The following CCDC51 variants were observed in gnomAD, a reference collection of about 807,000 sequenced individuals.
CCDC51 encodes the protein coiled-coil domain containing 51.
In CCDC51, 25 loss-of-function variants were observed where a neutral mutation model predicts 24.8. That is an observed-to-expected ratio of 1.01 (90% confidence interval 0.73 to 1.41). CCDC51 has a LOEUF of 1.41. CCDC51 is among the 40% of genes most tolerant of loss of function. The pLI is 0.00. For missense variants in CCDC51, 466 were observed against 519.1 expected, an observed-to-expected ratio of 0.90 and a Z score of 0.99; for synonymous variants, 190 against 204.3, an observed-to-expected ratio of 0.93 and a Z score of 0.60.
chr3:48,440,688 A>C, upstream of CCDC51: 2 of 1,486,862 alleles, frequency 1.3e-6, no homozygotes, highest in Non-Finnish European at 9.2e-7. Context: ...TATTGGGATG[A>C]GGGCGCGGGC....
intron 1 of CCDC51, among the ~76,000 whole-genome samples, chr3:48,439,174 T>C (rs1321395942): frequency 6.6e-6 from 1 of 152,242 alleles, no homozygotes; most frequent in Non-Finnish European, 1.5e-5. Context: ...ATATATCACA[T>C]GACCTGCAAC....
At chr3:48,445,099 G>GGAGTTC (rs1309144134), upstream of CCDC51, 1 of 152,276 alleles carries the variant, frequency 6.6e-6, no homozygotes, top group African/African-American at 2.4e-5. Context: ...CTTGAGCCCA[G>GGAGTTC]GAGTTCGAGG....
Position 48,439,678 on chromosome 3 carries a change from C to A in CCDC51, c.-9+310G>T, listed in dbSNP as rs1340747257. On this transcript the variant is annotated intron_variant, in intron 1 of 3. Transcript: ENST00000395694. ...CTTTATTGATATATAACTTGCATAC[C>A]ATATAATTCACCCAATGTGTACAAT... Among the ~76,000 whole-genome samples, 3 of 152,116 alleles carry A rather than the reference C, an allele frequency of 2.0e-5. No homozygotes were observed. The East Asian group carries it at 5.8e-4, about 29-fold the overall frequency.
rs373033737 is a variant in CCDC51, at chr3:48,435,783, A to C, written c.-8-647T>G. Among the ~76,000 whole-genome samples, 3 of 152,078 alleles carry C rather than the reference A, an allele frequency of 2.0e-5. No individual in the cohort carries two copies. Among genetic ancestry groups the C allele is most frequent in the African/African-American group, 4.8e-5 (2 of 41,424 alleles). Reference sequence around the variant, plus strand: ...AAGATAATTCCAGGGGCAAAAAAAAACAAAACAAAACTGTTTTTGCCACAG... The same window carrying C: ...AAGATAATTCCAGGGGCAAAAAAAACCAAAACAAAACTGTTTTTGCCACAG... On this transcript the variant is annotated intron_variant, in intron 1 of 3. Coordinates refer to ENST00000395694, the MANE Select transcript of CCDC51 (RefSeq NM_001256964.2). This position sits in a 1 kb window ranked among gnomAD's most constrained non-coding sequence, Gnocchi z 4.2.
At chr3:48,446,588 G>T in the CCDC51 span, 2 of 345,450 alleles carry the variant, frequency 5.8e-6, no homozygotes, top group Non-Finnish European at 1.0e-5. Flanking sequence ...GGGTCGCGCC[G>T]CACTGAGTCC....
rs761047796 is a variant in CCDC51, at chr3:48,432,481, T to G, written c.1163A>C (p.Tyr388Ser). The G allele has an allele frequency of 6.2e-7, 1 of 1,614,220 alleles. No individual in the cohort carries two copies. The highest frequency in any genetic ancestry group is 1.7e-5 in the Admixed American group (1 of 60,030). ...LEAQVNRNTI[Y>S]STLVTCVTFV... ...TGTCACACAGGTGACCAGGGTGCTA[T>G]AGATGGTGTTCCTGTTGACTTGGGC... Residue 388 changes from tyrosine (Y) to serine (S), a missense_variant, in exon 4 of 4, where the codon TAT (tyrosine) becomes TCT (serine). Transcript: ENST00000395694.
chr3:48,433,643 T>A lies in CCDC51; in HGVS notation c.477+64A>T. 6.4e-7 allele frequency: 1 copy of A among 1,554,720 alleles called. No homozygotes were observed. The highest frequency in any genetic ancestry group is 8.7e-7 in the Non-Finnish European group (1 of 1,143,642). On this transcript the variant is annotated intron_variant, in intron 3 of 3. Transcript: ENST00000395694. This position sits in a 1 kb window ranked among gnomAD's most constrained non-coding sequence, Gnocchi z 4.4. ...CCAGTCAGGGTTCCCACCCGGCCCC[T>A]CCATGATCTGCCAGGCTAGGGTCAC...
intron 1 of CCDC51, among the ~76,000 whole-genome samples, chr3:48,439,127 C>A (rs1158499892): frequency 6.6e-6 from 1 of 152,224 alleles, no homozygotes; most frequent in Non-Finnish European, 1.5e-5. Context: ...CACCCTAGCA[C>A]TCCTGACCCA....
chr3:48,443,133 G>C (rs531169219), upstream of CCDC51, among the ~76,000 whole-genome samples: 28 of 151,136 alleles, frequency 1.9e-4, no homozygotes, highest in South Asian at 5.8e-3. Context: ...CCAGCTACTC[G>C]GAAGGCTCAT....
intron 1 of CCDC51, among the ~76,000 whole-genome samples, chr3:48,436,322 C>T (rs1478569304): frequency 6.6e-6 from 1 of 152,170 alleles, no homozygotes; most frequent in Non-Finnish European, 1.5e-5. Context: ...CAGAGGCTCC[C>T]CACAGCACCC....
rs772327618 is a variant in CCDC51 at position 48,434,994 on chromosome 3, T to C, written c.135A>G (p.Gly45=). 6 of 1,614,210 alleles carry C rather than the reference T, an allele frequency of 3.7e-6. No homozygotes were observed. The highest frequency in any genetic ancestry group is 2.2e-5 in the East Asian group (1 of 44,882). Residue 45 remains glycine, a synonymous_variant, in exon 2 of 4, where the codon GGA becomes GGG. Coordinates refer to ENST00000395694, the MANE Select transcript of CCDC51 (RefSeq NM_001256964.2). ...TLCSPGPSQP[G]EKRPEEVALG... Reference sequence around the variant, plus strand: ...GGGCCACCTCCTCAGGTCTTTTCTCTCCGGGCTGGCTTGGGCCTGGGCTGC... The same window carrying C: ...GGGCCACCTCCTCAGGTCTTTTCTCCCCGGGCTGGCTTGGGCCTGGGCTGC...
At chr3:48,436,953 C>T (rs779784614) in intron 1 of CCDC51, among the ~76,000 whole-genome samples, 5 of 152,202 alleles carry the variant, frequency 3.3e-5, no homozygotes, top group Admixed American at 6.5e-5. Context: ...TGATCAAAAT[C>T]CCCCAACAGC....
In CCDC51 at chr3:48,437,641, T is replaced by C. The variant is rs1368175895; in HGVS notation, c.-9+2347A>G. 6.6e-6 allele frequency among the ~76,000 whole-genome samples: 1 copy of C among 152,154 alleles called. No homozygotes were observed. Among genetic ancestry groups the C allele is most frequent in the Non-Finnish European group, 1.5e-5 (1 of 68,038 alleles). ...GATCCATTCTCCCGCTCTATGTAGATGGCTGTCTCCTACCAACTGCCCCTT... is the reference window on the plus strand; with the variant it reads ...GATCCATTCTCCCGCTCTATGTAGACGGCTGTCTCCTACCAACTGCCCCTT... On this transcript the variant is annotated intron_variant, in intron 1 of 3. Coordinates refer to ENST00000395694, the MANE Select transcript of CCDC51 (RefSeq NM_001256964.2). This position sits in a 1 kb window ranked among gnomAD's most constrained non-coding sequence, Gnocchi z 4.2.
rs1330528948 is a variant in CCDC51, at chr3:48,433,528, G to A, written c.477+179C>T. On this transcript the variant is annotated intron_variant, in intron 3 of 3. Transcript: ENST00000395694. The surrounding 1 kb of genome is among the most constrained non-coding windows in gnomAD (Gnocchi z 4.4). ...AAGAGTTGGCCCCAGTACTCCAGAA[G>A]AAAGTATATGGATAGACTCTGGAAG... 6.6e-6 allele frequency among the ~76,000 whole-genome samples: 1 copy of A among 152,216 alleles called. No individual in the cohort carries two copies. Among genetic ancestry groups the A allele is most frequent in the African/African-American group, 2.4e-5 (1 of 41,452 alleles).
upstream of CCDC51, among the ~76,000 whole-genome samples, chr3:48,442,375 C>T (rs2039591316): frequency 6.7e-6 from 1 of 150,180 alleles, no homozygotes; most frequent in African/African-American, 2.5e-5. Flanking sequence ...TGAGCATCAT[C>T]TGATTTTTAT....
At chr3:48,443,570 A>G (rs898081810), upstream of CCDC51, among the ~76,000 whole-genome samples, 5 of 152,104 alleles carry the variant, frequency 3.3e-5, no homozygotes, top group Non-Finnish European at 7.4e-5. Context: ...TTTCTGTAAA[A>G]TGGGTTGATA....
chr3:48,434,230 G>A (rs1196720292), intron 2 of CCDC51, among the ~76,000 whole-genome samples: 2 of 152,164 alleles, frequency 1.3e-5, no homozygotes, highest in Non-Finnish European at 2.9e-5. Context: ...GCACTGCTGT[G>A]GCCTCCAGTT....
In CCDC51 at chr3:48,435,184, G is replaced by T; in HGVS notation, c.-8-48C>A. On this transcript the variant is annotated intron_variant, in intron 1 of 3. Transcript: ENST00000395694. This position sits in a 1 kb window ranked among gnomAD's most constrained non-coding sequence, Gnocchi z 4.2. ...GTCAGCTCACAGCTGAGAAAGGCTG[G>T]ACATAAGTCAGTTTTGAGGCCTAGG... is the stretch of plus-strand genomic sequence containing the variant. 1 of 1,474,292 alleles carries T rather than the reference G, an allele frequency of 6.8e-7. No individual in the cohort carries two copies. Among genetic ancestry groups the T allele is most frequent in the African/African-American group, 1.4e-5 (1 of 70,980 alleles). 91.3% of individuals were successfully genotyped at this position (1,474,292 alleles called of 1,614,324 possible).
At chr3:48,445,381 CA>C (rs1253095514), upstream of CCDC51, among the ~76,000 whole-genome samples, 1 of 152,050 alleles carries the variant, frequency 6.6e-6, no homozygotes, top group Non-Finnish European at 1.5e-5. Context: ...GGAGAGGGGG[CA>C]GGGGGAAGCC....
Sources: gnomAD v4.1 joint callset for allele counts (sites outside exome capture counted in the v4.1 genomes callset) on GRCh38, gnomAD v4.1.1 for gene constraint, Gnocchi (gnomAD v3.1) non-coding constraint, MANE v1.5 for transcripts, NCBI Gene and HGNC (gene_info 2026-07-23, HGNC 2026-07-21) for gene names.